The following POU6F2 variants were observed in gnomAD, a reference collection of about 807,000 sequenced individuals.
POU6F2 encodes the protein POU domain, class 6, transcription factor 2.
POU6F2 carries 31 observed loss-of-function variants against 71.3 expected under a neutral mutation model. That is an observed-to-expected ratio of 0.43 (90% CI 0.33 to 0.59). The LOEUF is 0.59. Among genes scored for constraint, POU6F2 ranks in the 20% least tolerant of loss-of-function variants. POU6F2 has a pLI of 0.04. For missense variants in POU6F2, 783 were observed against 856.8 expected, an observed-to-expected ratio of 0.91 and a Z score of 1.07; for synonymous variants, 347 against 355.7, an observed-to-expected ratio of 0.98 and a Z score of 0.27.
intron 2 of POU6F2, among the ~76,000 whole-genome samples, chr7:39,112,979 A>C (rs1001497779): frequency 1.2e-4 from 18 of 152,186 alleles, no homozygotes; most frequent in Non-Finnish European, 2.1e-4. Context: ...ACAAAAAAAA[A>C]ATTATTTCCA....
intron 4 of POU6F2, among the ~76,000 whole-genome samples, chr7:39,320,776 C>T (rs1276333111): frequency 1.3e-5 from 2 of 152,094 alleles, no homozygotes; most frequent in East Asian, 1.9e-4. Flanking sequence ...AATTTTTGGC[C>T]GAGTGCAGTG....
intron 4 of POU6F2, among the ~76,000 whole-genome samples, chr7:39,242,158 C>G (rs4723833): frequency 0.68 from 102,867 of 151,986 alleles, 35,192 homozygotes; most frequent in East Asian, 0.97. Context: ...CAATGATAAA[C>G]CCACTGTAAA....
chr7:39,136,500 G>A (rs183503606), intron 2 of POU6F2, among the ~76,000 whole-genome samples: 17 of 152,242 alleles, frequency 1.1e-4, no homozygotes, highest in Admixed American at 1.0e-3. Flanking sequence ...GAAAACAGTG[G>A]GAATGTTAAA....
At chr7:39,340,659 T>A (rs1047382347) in intron 5 of POU6F2, among the ~76,000 whole-genome samples, 1 of 152,200 alleles carries the variant, frequency 6.6e-6, no homozygotes, top group East Asian at 1.9e-4. Flanking sequence ...ACTTTATTAC[T>A]GTGAGGCTGA....
At chr7:39,424,917 T>C (rs1787933479) in intron 6 of POU6F2, among the ~76,000 whole-genome samples, 1 of 151,996 alleles carries the variant, frequency 6.6e-6, no homozygotes, top group Admixed American at 6.6e-5. Context: ...CTGTTCAGAA[T>C]GGGGCCGAGG....
At chr7:39,209,063 A>T (rs964646770) in intron 4 of POU6F2, among the ~76,000 whole-genome samples, 2 of 152,182 alleles carry the variant, frequency 1.3e-5, no homozygotes, top group Non-Finnish European at 2.9e-5. Context: ...TTAAAAAAAA[A>T]GTAGGCTTGT....
intron 1 of POU6F2, among the ~76,000 whole-genome samples, chr7:39,002,845 C>T (rs1209726063): frequency 1.3e-5 from 2 of 152,212 alleles, no homozygotes; most frequent in African/African-American, 2.4e-5. Context: ...TCCTTTTCCT[C>T]CCTCTGCTGC....
chr7:39,230,545 T>G (rs1794555530), intron 4 of POU6F2, among the ~76,000 whole-genome samples: 1 of 151,574 alleles, frequency 6.6e-6, no homozygotes, highest in Non-Finnish European at 1.5e-5. Flanking sequence ...TTTGGTATGC[T>G]GAGATAGTAA....
At chr7:39,254,792 C>T (rs373753672) in intron 4 of POU6F2, among the ~76,000 whole-genome samples, 15 of 152,196 alleles carry the variant, frequency 9.9e-5, no homozygotes, top group Admixed American at 3.3e-4. Flanking sequence ...CTGCCCTGCT[C>T]ATGCATTTCA....
intron 4 of POU6F2, among the ~76,000 whole-genome samples, chr7:39,275,749 A>T (rs920399223): frequency 6.7e-6 from 1 of 150,248 alleles, no homozygotes; most frequent in African/African-American, 2.4e-5. Context: ...ATAACGCCGC[A>T]TATCTACAAC....
chr7:39,009,735 G>A (rs1171385610), intron 1 of POU6F2, among the ~76,000 whole-genome samples: 1 of 151,700 alleles, frequency 6.6e-6, no homozygotes, highest in Non-Finnish European at 1.5e-5. Context: ...AGCATGAAGG[G>A]TTGTTGAATT....
intron 2 of POU6F2, among the ~76,000 whole-genome samples, chr7:39,117,900 T>A (rs912545066): frequency 6.6e-6 from 1 of 152,008 alleles, no homozygotes; most frequent in Admixed American, 6.6e-5. Context: ...CAGCCCAGCA[T>A]AGGAAACCCA....
At chr7:39,042,087 A>G (rs1012742971) in intron 1 of POU6F2, among the ~76,000 whole-genome samples, 4 of 151,946 alleles carry the variant, frequency 2.6e-5, no homozygotes, top group African/African-American at 9.7e-5. Flanking sequence ...GAACAGAGGG[A>G]AAGTTGTTTT....
At chr7:39,085,707 C>T (rs1791224827) in intron 1 of POU6F2, 153 bp from the exon 2 acceptor site, 1 of 755,440 alleles carries the variant, frequency 1.3e-6, no homozygotes, top group Admixed American at 2.4e-5. Context: ...CCAGCAATAA[C>T]AGCGGGAGCA....
At position 39,204,175 on chromosome 7, in the gene POU6F2, G is replaced by A. The variant is rs1376723992; in HGVS notation, c.278-60G>A. The stretch of plus-strand genomic sequence containing the variant: ...CATATCATCTATGCCTTAATGTTAT[G>A]TGACATCAGTTCCCAAGCTGGATCA... On this transcript the variant is annotated intron_variant, in intron 2 of 9. Coordinates refer to ENST00000518318, the MANE Select transcript of POU6F2 (RefSeq NM_001370959.1). 2.8e-6 allele frequency: 4 copies of A among 1,403,960 alleles called. No individual in the cohort carries two copies. In the East Asian group the frequency reaches 7.0e-5, roughly 25 times the overall value. 87.0% of individuals were successfully genotyped at this position (1,403,960 alleles called of 1,614,324 possible). A position where few individuals can be genotyped will look rare whatever the true frequency, so the allele number is the denominator to read the frequency against.
intron 1 of POU6F2, chr7:39,034,640 T>A (rs1004052912): frequency 1.1e-4 from 27 of 252,188 alleles, no homozygotes; most frequent in African/African-American, 4.6e-4. Flanking sequence ...GCGATTTTTC[T>A]ATTTAAAGTG....
At position 39,464,171 on chromosome 7, in the gene POU6F2, T is replaced by C. The variant is rs760699056; in HGVS notation, c.1659-11T>C. The C allele has an allele frequency of 5.6e-6, 9 of 1,611,266 alleles. No individual in the cohort carries two copies. In the Admixed American group the frequency reaches 1.0e-4, roughly 18 times the overall value. On this transcript the variant is annotated splice_polypyrimidine_tract_variant and intron_variant, in intron 9 of 9. Transcript: ENST00000518318. The surrounding 1 kb of genome is among the most constrained non-coding windows in gnomAD (Gnocchi z 4.1). ...AGTGTAAGACTGTTCTTTCTCAATT[T>C]TCCCCCCCAGACACACCATCCTGAG...
chr7:39,084,103 C>T (rs923534460), intron 1 of POU6F2, among the ~76,000 whole-genome samples: 3 of 152,174 alleles, frequency 2.0e-5, no homozygotes, highest in South Asian at 2.1e-4. Flanking sequence ...CCTCATCCCC[C>T]TCCTTTCTCG....
rs112074622 is a variant in POU6F2, at chr7:39,365,497, C to A, written c.972+25482C>A. ...GGCAAGGATTTCATGACCAAGAACC[C>A]AAAAGCAAATGCAATAAAAACAAAG... On this transcript the variant is annotated intron_variant, in intron 5 of 9. Coordinates refer to ENST00000518318, the MANE Select transcript of POU6F2 (RefSeq NM_001370959.1). Among the ~76,000 whole-genome samples the A allele has an allele frequency of 1.9e-3, 292 of 152,196 alleles. 2 individuals are homozygous for A. Among genetic ancestry groups the A allele is most frequent in the African/African-American group, 6.7e-3 (278 of 41,520 alleles).
Sources: allele counts gnomAD v4.1 joint callset (sites outside exome capture counted in the v4.1 genomes callset), GRCh38; gene constraint gnomAD v4.1.1; non-coding constraint Gnocchi (gnomAD v3.1); transcripts MANE v1.5; gene names NCBI Gene and HGNC (gene_info 2026-07-23, HGNC 2026-07-21).